Variants in PIEZO2 observed in about 807,000 individuals in gnomAD.
PIEZO2 encodes piezo-type mechanosensitive ion channel component 2.
In PIEZO2, 172 loss-of-function variants were observed where a neutral mutation model predicts 337.3. The observed-to-expected ratio is 0.51, with a 90% CI of 0.45 to 0.58. The LOEUF is 0.58. PIEZO2 is among the 20% of genes least tolerant of loss of function. PIEZO2 has a pLI of 0.00. For synonymous variants in PIEZO2, 1,251 were observed against 1,228.5 expected (o/e 1.02, Z -0.38); for missense variants, 3,028 against 3,391.3 (o/e 0.89, Z 2.66).
chr18:10,926,103 G>A (rs1489932918), intron 3 of PIEZO2, among the ~76,000 whole-genome samples: 1 of 152,198 alleles, frequency 6.6e-6, no homozygotes, highest in Non-Finnish European at 1.5e-5. Flanking sequence ...ACTGGATGGT[G>A]AGAAAGCTAC....
chr18:11,062,505 A>C (rs2038002179), intron 2 of PIEZO2, among the ~76,000 whole-genome samples: 2 of 152,176 alleles, frequency 1.3e-5, no homozygotes, highest in African/African-American at 2.4e-5. Flanking sequence ...TTTGCAATCT[A>C]CTCATCTGAC....
At chr18:10,915,781 G>A (rs771199844) in intron 3 of PIEZO2, among the ~76,000 whole-genome samples, 4 of 152,078 alleles carry the variant, frequency 2.6e-5, no homozygotes, top group South Asian at 4.1e-4. Flanking sequence ...TGTGTTCTGC[G>A]TCCAGAATTG....
At chr18:10,684,806 C>T (rs555957120) in intron 49 of PIEZO2, among the ~76,000 whole-genome samples, 5 of 152,290 alleles carry the variant, frequency 3.3e-5, no homozygotes, top group Admixed American at 2.0e-4. Context: ...TCCTGTCCTG[C>T]GCTGCTCCGT....
At chr18:11,019,662 T>C (rs529558111) in intron 2 of PIEZO2, among the ~76,000 whole-genome samples, 101 of 152,296 alleles carry the variant, frequency 6.6e-4, no homozygotes, top group Middle Eastern at 3.4e-3. Flanking sequence ...ATTGATGCTC[T>C]TGTCATCCTC....
In PIEZO2 at chr18:11,143,639, A is replaced by ACACTCT. The variant is rs1473731967; in HGVS notation, c.64+4885_64+4886insAGAGTG. On this transcript the variant is annotated intron_variant, in intron 1 of 55. Transcript: ENST00000674853. The surrounding 1 kb of genome is among the most constrained non-coding windows in gnomAD (Gnocchi z 4.9). ...CACACACACACACACACACACACAC[A>ACACTCT]CTCTCTCTCTCTCTCTCTCTCTCTC... Among the ~76,000 whole-genome samples the ACACTCT allele has an allele frequency of 4.1e-4, 38 of 92,830 alleles. No homozygotes were observed. The highest frequency in any genetic ancestry group is 6.8e-3 in the Middle Eastern group (1 of 146). 60.9% of individuals were successfully genotyped at this position (92,830 alleles called of 152,430 possible). A position where few individuals can be genotyped will look rare whatever the true frequency, so the allele number is the denominator to read the frequency against.
chr18:10,811,913 G>A (rs1044285100), intron 7 of PIEZO2, among the ~76,000 whole-genome samples: 11 of 152,158 alleles, frequency 7.2e-5, no homozygotes, highest in African/African-American at 1.2e-4. Flanking sequence ...CGCTCACTGC[G>A]AGCTCCGCCT....
chr18:10,845,112 A>G (rs1359508341), intron 7 of PIEZO2, among the ~76,000 whole-genome samples: 2 of 152,096 alleles, frequency 1.3e-5, no homozygotes, highest in Non-Finnish European at 2.9e-5. Flanking sequence ...TACATACCAG[A>G]CACCATTTTA....
chr18:11,007,766 T>A (rs1310477775), intron 2 of PIEZO2, among the ~76,000 whole-genome samples: 21 of 152,290 alleles, frequency 1.4e-4, no homozygotes, highest in African/African-American at 4.8e-4. Flanking sequence ...CCAAAACTTC[T>A]GTATCTAGCA....
At chr18:11,041,462 C>CA (rs1407250886) in intron 2 of PIEZO2, among the ~76,000 whole-genome samples, 1 of 152,104 alleles carries the variant, frequency 6.6e-6, no homozygotes, top group African/African-American at 2.4e-5. Context: ...GATTTCAAAG[C>CA]AAAAACAGCC....
intron 1 of PIEZO2, among the ~76,000 whole-genome samples, chr18:11,136,038 A>T (rs2040474556): frequency 6.6e-6 from 1 of 152,256 alleles, no homozygotes; most frequent in African/African-American, 2.4e-5. Flanking sequence ...TAATTTGCTC[A>T]AAAAATTTTG....
chr18:10,808,454 C>T (rs895489009), intron 7 of PIEZO2, among the ~76,000 whole-genome samples: 1 of 152,166 alleles, frequency 6.6e-6, no homozygotes, highest in Non-Finnish European at 1.5e-5. Context: ...GTTATAGAAT[C>T]TTCAAAGGCT....
intron 4 of PIEZO2, among the ~76,000 whole-genome samples, chr18:10,881,287 C>T (rs1475281041): frequency 6.6e-6 from 1 of 152,118 alleles, no homozygotes; most frequent in Non-Finnish European, 1.5e-5. Context: ...GTGTGAGTGC[C>T]ACACGGATTG....
chr18:11,145,759 TGTAA>T (rs548986473), intron 1 of PIEZO2, among the ~76,000 whole-genome samples: 182 of 152,332 alleles, frequency 1.2e-3, no homozygotes, highest in African/African-American at 3.9e-3. Flanking sequence ...CTTTCATCCC[TGTAA>T]GTAAGTATCA....
In PIEZO2 at chr18:10,861,129, G is replaced by A. The variant is rs76492280; in HGVS notation, c.493-3918C>T. Among the ~76,000 whole-genome samples the A allele has an allele frequency of 8.5e-5, 13 of 152,256 alleles. No individual in the cohort carries two copies. The East Asian group carries it at 2.5e-3, about 29-fold the overall frequency. On this transcript the variant is annotated intron_variant, in intron 5 of 55. Coordinates refer to ENST00000674853, the MANE Select transcript of PIEZO2 (RefSeq NM_001378183.1). The surrounding 1 kb of genome is among the most constrained non-coding windows in gnomAD (Gnocchi z 4.3). The stretch of plus-strand genomic sequence containing the variant: ...GTATAAACACTGAACCTCTGAAAGA[G>A]CATGGACTCACTCTCGCATGTTTAC...
rs183119664 is a variant in PIEZO2, at chr18:10,881,909, T to G, written c.330-10494A>C. ...TTTTTTTTGCCATCTTCAATCTCAC[T>G]TCTTGCTGATTCTAAACTGACACTC... On this transcript the variant is annotated intron_variant, in intron 4 of 55. Coordinates refer to ENST00000674853, the MANE Select transcript of PIEZO2 (RefSeq NM_001378183.1). 6.9e-3 allele frequency among the ~76,000 whole-genome samples: 1,057 copies of G among 152,194 alleles called. 14 individuals are homozygous for G. The highest frequency in any genetic ancestry group is 8.8e-3 in the Non-Finnish European group (598 of 68,000).
At chr18:11,040,905 A>C (rs917305188) in intron 2 of PIEZO2, among the ~76,000 whole-genome samples, 1 of 152,186 alleles carries the variant, frequency 6.6e-6, no homozygotes, top group Non-Finnish European at 1.5e-5. Context: ...AATTATTTTA[A>C]TTTTTCTAGA....
rs533969472 is a variant in PIEZO2, at chr18:10,855,876, C to A, written c.704-310G>T. 6.8e-4 allele frequency among the ~76,000 whole-genome samples: 103 copies of A among 152,200 alleles called. No individual in the cohort carries two copies. The highest frequency in any genetic ancestry group is 2.4e-3 in the African/African-American group (99 of 41,540). On this transcript the variant is annotated intron_variant, in intron 6 of 55. Transcript: ENST00000674853. This position sits in a 1 kb window ranked among gnomAD's most constrained non-coding sequence, Gnocchi z 4.9. ...CCAGTAGCATCTGCATATTTACTTG[C>A]CTGTTTCCATCTTTCTACTTCTCCC...
At chr18:10,882,834 C>CTTTTTTTTTTTT (rs745618117) in intron 4 of PIEZO2, among the ~76,000 whole-genome samples, 5 of 109,982 alleles carry the variant, frequency 4.5e-5, no homozygotes, top group African/African-American at 6.3e-5. Context: ...ACCACATTTT[C>CTTTTTTTTTTTT]TTTTTTTCTT....
chr18:10,672,622 C>T lies in PIEZO2; in HGVS notation c.8345+68G>A. The stretch of plus-strand genomic sequence containing the variant: ...CGAATTCTAAGAAGATAAAAGGCTT[C>T]CCACTCTCAACTTTACATGATACAG... On this transcript the variant is annotated intron_variant, in intron 55 of 55. Coordinates refer to ENST00000674853, the MANE Select transcript of PIEZO2 (RefSeq NM_001378183.1). This position sits in a 1 kb window ranked among gnomAD's most constrained non-coding sequence, Gnocchi z 4.7. 2.6e-6 allele frequency: 4 copies of T among 1,514,936 alleles called. No individual in the cohort carries two copies. The highest frequency in any genetic ancestry group is 1.4e-5 in the African/African-American group (1 of 70,970). 93.8% of individuals were successfully genotyped at this position (1,514,936 alleles called of 1,614,324 possible).
Sources: gnomAD v4.1 joint callset for allele counts (sites outside exome capture counted in the v4.1 genomes callset) on GRCh38, gnomAD v4.1.1 for gene constraint, Gnocchi (gnomAD v3.1) non-coding constraint, MANE v1.5 for transcripts, NCBI Gene and HGNC (gene_info 2026-07-23, HGNC 2026-07-21) for gene names.